Variants in SH3D19 observed in about 807,000 individuals in gnomAD.
SH3D19 encodes the protein SH3 domain containing 19.
In SH3D19, 58 loss-of-function variants were observed where a neutral mutation model predicts 112.1. That is an observed-to-expected ratio of 0.52 (90% CI 0.42 to 0.64). The LOEUF (loss-of-function observed/expected upper bound fraction) is 0.64, where lower values mean the gene tolerates loss of function less well. SH3D19 is among the 30% of genes least tolerant of loss of function. The pLI, the probability that SH3D19 is intolerant of heterozygous loss-of-function variation, is 0.00. For missense variants in SH3D19, 1,090 were observed against 1,263.4 expected (o/e 0.86, Z 2.08); for synonymous variants, 391 against 448.5 (o/e 0.87, Z 1.62).
intron 8 of SH3D19, among the ~76,000 whole-genome samples, chr4:151,159,867 G>A (rs556622164): frequency 2.6e-5 from 4 of 152,070 alleles, no homozygotes; most frequent in South Asian, 2.1e-4. Flanking sequence ...AAGTTCTATC[G>A]CACAGTGCTA....
At chr4:151,282,425 CAG>C in intron 1 of SH3D19, 1 of 1,613,086 alleles carries the variant, frequency 6.2e-7, no homozygotes, top group East Asian at 2.2e-5. Context: ...TGAGAATGGG[CAG>C]AGAGAAGGGT....
At chr4:151,279,995 C>A (rs747704048) in intron 1 of SH3D19, 10 of 1,296,024 alleles carry the variant, frequency 7.7e-6, no homozygotes, top group Non-Finnish European at 1.0e-5. Context: ...CAGACAGGTT[C>A]TCAGTGAATA....
intron 1 of SH3D19, among the ~76,000 whole-genome samples, chr4:151,260,270 T>A (rs1473819682): frequency 1.3e-5 from 2 of 152,166 alleles, no homozygotes; most frequent in Admixed American, 6.5e-5. Flanking sequence ...TATTTGCTGA[T>A]AACACTCGCA....
In SH3D19 at chr4:151,176,947, T is replaced by C. The variant is rs1020209070; in HGVS notation, c.245A>G (p.Glu82Gly). Residue 82 changes from glutamate to glycine, a missense_variant, in exon 5 of 20, where the codon GAG (glutamate) becomes GGG (glycine). By Grantham distance (98) the Glu-to-Gly change is moderately conservative. Transcript: ENST00000604030. ...TGGCTCAGCTGCCACAATGGTGATC[T>C]CTGGGCGCCTAGTGGACAGAAGCCT... ...SELHRDRRRP[E>G]ITIVAAEPLR... 60 of 1,232,080 alleles carry C rather than the reference T, an allele frequency of 4.9e-5. No individual in the cohort carries two copies. The highest frequency in any genetic ancestry group is 3.8e-4 in the Admixed American group (9 of 23,706). 76.3% of individuals were successfully genotyped at this position (1,232,080 alleles called of 1,614,324 possible).
At chr4:151,323,776 GAATA>G (rs1730774466) in intron 1 of SH3D19, among the ~76,000 whole-genome samples, 1 of 152,132 alleles carries the variant, frequency 6.6e-6, no homozygotes, top group African/African-American at 2.4e-5. Flanking sequence ...ACCAGCTTTG[GAATA>G]AATACACATA....
chr4:151,282,528 A>C, intron 1 of SH3D19: 1 of 972,204 alleles, frequency 1.0e-6, no homozygotes, highest in Non-Finnish European at 1.5e-6. Flanking sequence ...AACCAGATCA[A>C]TCTAATGATA....
At chr4:151,288,080 C>T (rs997046987) in intron 1 of SH3D19, among the ~76,000 whole-genome samples, 2 of 151,214 alleles carry the variant, frequency 1.3e-5, no homozygotes, top group African/African-American at 4.9e-5. Flanking sequence ...CAACGCTTCA[C>T]GTTAAAAAAA....
intron 1 of SH3D19, among the ~76,000 whole-genome samples, chr4:151,271,685 C>T (rs562101508): frequency 1.3e-5 from 2 of 152,242 alleles, no homozygotes; most frequent in East Asian, 3.9e-4. Flanking sequence ...CAAGCCATCA[C>T]CAAGATAAAC....
intron 1 of SH3D19, among the ~76,000 whole-genome samples, chr4:151,269,524 A>G (rs1773079730): frequency 6.6e-6 from 1 of 152,138 alleles, no homozygotes; most frequent in Non-Finnish European, 1.5e-5. Flanking sequence ...GCCCATGCCT[A>G]TGTCCTGAAT....
chr4:151,252,674 T>G (rs1365253810), intron 1 of SH3D19, among the ~76,000 whole-genome samples: 2 of 152,116 alleles, frequency 1.3e-5, no homozygotes, highest in Admixed American at 6.5e-5. Flanking sequence ...AATTCCAGAT[T>G]TATATATTCA....
At chr4:151,269,342 G>A (rs1243957037) in intron 1 of SH3D19, among the ~76,000 whole-genome samples, 3 of 151,830 alleles carry the variant, frequency 2.0e-5, no homozygotes, top group Admixed American at 2.0e-4. Context: ...CTGGATATTA[G>A]CCCTTTGTCA....
intron 2 of SH3D19, among the ~76,000 whole-genome samples, chr4:151,222,060 C>G (rs1387479405): frequency 6.6e-6 from 1 of 152,200 alleles, no homozygotes; most frequent in African/African-American, 2.4e-5. Flanking sequence ...TTATTTCCAG[C>G]GCTAGCTTAT....
At chr4:151,211,675 G>A (rs534354747) in intron 2 of SH3D19, among the ~76,000 whole-genome samples, 9 of 151,952 alleles carry the variant, frequency 5.9e-5, no homozygotes, top group Admixed American at 5.9e-4. Flanking sequence ...CTGATATGAA[G>A]AAAGTTTTAG....
At chr4:151,259,968 C>T (rs1772247616) in intron 1 of SH3D19, among the ~76,000 whole-genome samples, 1 of 152,220 alleles carries the variant, frequency 6.6e-6, no homozygotes, top group African/African-American at 2.4e-5. Flanking sequence ...TCATACCACT[C>T]TTCAGAGGCA....
chr4:151,177,931 AT>A, intron 4 of SH3D19, among the ~76,000 whole-genome samples: 1 of 152,208 alleles, frequency 6.6e-6, no homozygotes, highest in South Asian at 2.1e-4. Context: ...GTTTAAAGTA[AT>A]TAATTGATTT....
chr4:151,125,491 C>CAAAA (rs70941479), intron 19 of SH3D19, among the ~76,000 whole-genome samples: 63,966 of 96,578 alleles, frequency 0.66, 23,291 homozygotes, highest in Non-Finnish European at 0.85. Flanking sequence ...CAAAACAAAA[C>CAAAA]CAAAAAAAAA....
intron 1 of SH3D19, among the ~76,000 whole-genome samples, chr4:151,257,292 T>G (rs1772005061): frequency 6.6e-6 from 1 of 152,084 alleles, no homozygotes; most frequent in African/African-American, 2.4e-5. Context: ...TTCACTATGT[T>G]GGCCAGGCTA....
chr4:151,314,947 T>A (rs915806243), intron 1 of SH3D19, among the ~76,000 whole-genome samples: 6 of 152,176 alleles, frequency 3.9e-5, no homozygotes, highest in African/African-American at 1.4e-4. Context: ...GTGAACCCCC[T>A]TTAAAGAACT....
intron 1 of SH3D19, among the ~76,000 whole-genome samples, chr4:151,277,798 T>C (rs1773789291): frequency 6.6e-6 from 1 of 152,156 alleles, no homozygotes; most frequent in African/African-American, 2.4e-5. Context: ...CCCAGCACTT[T>C]GGGATGCCAA....
Sources: allele counts gnomAD v4.1 joint callset (sites outside exome capture counted in the v4.1 genomes callset), GRCh38; gene constraint gnomAD v4.1.1; transcripts MANE v1.5; gene names NCBI Gene and HGNC (gene_info 2026-07-23, HGNC 2026-07-21).